ANKRD17: variants seen among roughly 807,000 people sequenced by gnomAD.
The protein encoded by ANKRD17 is ankyrin repeat domain 17, also known as ankyrin repeat domain-containing protein 17.
ANKRD17 carries 19 observed loss-of-function variants against 229.7 expected under a neutral mutation model. The ratio of observed to expected loss-of-function variants is 0.08; its 90% CI spans 0.06 to 0.12. The LOEUF (loss-of-function observed/expected upper bound fraction) is 0.12, where lower values mean the gene tolerates loss of function less well. ANKRD17 is among the 10% of genes least tolerant of loss of function. The pLI, the probability that ANKRD17 is intolerant of heterozygous loss-of-function variation, is 1.00. For missense variants in ANKRD17, 2,176 were observed against 3,176.8 expected, an observed-to-expected ratio of 0.68 and a Z score of 7.57; for synonymous variants, 1,112 against 1,146.1, an observed-to-expected ratio of 0.97 and a Z score of 0.60.
intron 3 of ANKRD17, among the ~76,000 whole-genome samples, chr4:73,158,864 G>A (rs1732125615): frequency 6.6e-6 from 1 of 152,238 alleles, no homozygotes; most frequent in African/African-American, 2.4e-5. Context: ...GCTCTGCACA[G>A]AGTCCCTGCC....
At chr4:73,177,053 G>A (rs747581165) in intron 2 of ANKRD17, among the ~76,000 whole-genome samples, 5 of 152,158 alleles carry the variant, frequency 3.3e-5, no homozygotes, top group Admixed American at 6.5e-5. Flanking sequence ...ACATGCCTAT[G>A]AAAGACCGCT....
chr4:73,142,693 C>T lies in ANKRD17; in HGVS notation c.2032G>A (p.Ala678Thr), dbSNP rs760548509. The part of the protein sequence containing the change: ...LSLACAGGHL[A>T]VVELLLAHGA... Reference sequence around the variant, plus strand: ...TGAGCCAAAAGTAGTTCCACCACTGCCAGATGACCCCCTGCACAAGCCAGG... The same window carrying T: ...TGAGCCAAAAGTAGTTCCACCACTGTCAGATGACCCCCTGCACAAGCCAGG... The change falls in exon 12 of 34, where the codon GCA becomes ACA. Residue 678 changes from alanine (A) to threonine (T), a missense_variant. Coordinates refer to ENST00000358602, the MANE Select transcript of ANKRD17 (RefSeq NM_032217.5). 9 of 1,614,024 alleles carry T rather than the reference C, an allele frequency of 5.6e-6. No homozygotes were observed. The highest frequency in any genetic ancestry group is 1.6e-4 in the Middle Eastern group (1 of 6,062).
intron 22 of ANKRD17, among the ~76,000 whole-genome samples, chr4:73,118,132 T>C (rs1726215507): frequency 6.6e-6 from 1 of 152,090 alleles, no homozygotes; most frequent in Admixed American, 6.6e-5. Context: ...TCCTCCTATC[T>C]CAGCCTCCTG....
intron 1 of ANKRD17, among the ~76,000 whole-genome samples, chr4:73,188,524 G>A (rs1319163475): frequency 2.6e-5 from 4 of 152,144 alleles, no homozygotes; most frequent in Non-Finnish European, 5.9e-5. Context: ...GGCAGAGGCT[G>A]CAGTGAGCCG....
rs903605984 is a variant in ANKRD17 at position 73,218,307 on chromosome 4, T to A, written c.393+39969A>T. ...AATCAATGAAGTAAAATACTAGTAT[T>A]AAAATATGTATCTATGCATCCTAAA... On this transcript the variant is annotated intron_variant, in intron 1 of 33. Coordinates refer to ENST00000358602, the MANE Select transcript of ANKRD17 (RefSeq NM_032217.5). 2.2e-4 allele frequency among the ~76,000 whole-genome samples: 34 copies of A among 152,254 alleles called. No individual in the cohort carries two copies. In the Middle Eastern group the frequency reaches 0.01, roughly 46 times the overall value.
At chr4:73,121,202 T>A in intron 19 of ANKRD17, 108 bp from the exon 20 acceptor site, 1 of 1,012,346 alleles carries the variant, frequency 9.9e-7, no homozygotes. Flanking sequence ...GAAGGATTGT[T>A]TAAAATATCC....
intron 25 of ANKRD17, chr4:73,099,268 C>T (rs1289766477): frequency 2.3e-5 from 13 of 555,466 alleles, no homozygotes; most frequent in South Asian, 2.3e-4. Flanking sequence ...CTCCGGCTGC[C>T]ACCCCCATCC....
At chr4:73,192,234 T>C (rs1438788584) in intron 1 of ANKRD17, among the ~76,000 whole-genome samples, 1 of 152,072 alleles carries the variant, frequency 6.6e-6, no homozygotes, top group Non-Finnish European at 1.5e-5. Context: ...ATCCCCTGTA[T>C]CTAGAATAGT....
chr4:73,142,929 C>T (rs1057256341), intron 11 of ANKRD17, among the ~76,000 whole-genome samples, 162 bp from the exon 12 acceptor site: 1 of 152,176 alleles, frequency 6.6e-6, no homozygotes, highest in Non-Finnish European at 1.5e-5. Flanking sequence ...TCTCATTTCA[C>T]AAATATCCTA....
chr4:73,226,792 G>A (rs904325588), intron 1 of ANKRD17, among the ~76,000 whole-genome samples: 13 of 151,962 alleles, frequency 8.6e-5, no homozygotes, highest in African/African-American at 2.7e-4. Context: ...CGGCTAACTT[G>A]CAACCTCCAC....
chr4:73,139,049 T>G (rs936276232), intron 15 of ANKRD17, among the ~76,000 whole-genome samples: 92 of 64,582 alleles, frequency 1.4e-3, no homozygotes, highest in African/African-American at 3.3e-3. Context: ...GTAAAAGTGT[T>G]TTTTTTTTTA....
At chr4:73,234,777 T>C (rs1743354708) in intron 1 of ANKRD17, among the ~76,000 whole-genome samples, 2 of 152,192 alleles carry the variant, frequency 1.3e-5, no homozygotes, top group Non-Finnish European at 2.9e-5. Context: ...AGAATGATTC[T>C]GAAACTTCAG....
In ANKRD17 at chr4:73,092,155, T is replaced by C; in HGVS notation, c.5473A>G (p.Thr1825Ala). The C allele has an allele frequency of 6.2e-7, 1 of 1,614,152 alleles. No individual in the cohort carries two copies. The highest frequency in any genetic ancestry group is 1.3e-5 in the African/African-American group (1 of 75,032). ...ATTAAGGAAGTGTTAGCAGCAGTGG[T>C]GGTAGGTGCTGATGACCCTATTTTG... ...NSKIGSSAPT[T>A]TAANTSLMGI... Residue 1825 changes from threonine to alanine, a missense_variant, in exon 29 of 34, where the codon ACC becomes GCC. This residue lies in a region of ANKRD17 where 142 missense variants were observed against 200.4 expected (regional missense o/e 0.71). Transcript: ENST00000358602.
chr4:73,144,086 C>A (rs983724235), intron 11 of ANKRD17, among the ~76,000 whole-genome samples: 1 of 152,136 alleles, frequency 6.6e-6, no homozygotes, highest in Admixed American at 6.6e-5. Flanking sequence ...AATCTGTAAT[C>A]TCTTATACTT....
At chr4:73,175,684 T>G (rs1734643860) in intron 2 of ANKRD17, among the ~76,000 whole-genome samples, 2 of 152,156 alleles carry the variant, frequency 1.3e-5, no homozygotes, top group South Asian at 4.1e-4. Flanking sequence ...TTGACAAAGT[T>G]GCCAAGAACA....
intron 29 of ANKRD17, among the ~76,000 whole-genome samples, chr4:73,087,785 G>A (rs1044125398): frequency 3.7e-4 from 57 of 152,066 alleles, no homozygotes; most frequent in African/African-American, 1.3e-3. Flanking sequence ...GTATTTAGGG[G>A]TAAAGTATCA....
At chr4:73,127,628 T>G (rs910721937) in intron 16 of ANKRD17, among the ~76,000 whole-genome samples, 2 of 152,168 alleles carry the variant, frequency 1.3e-5, no homozygotes, top group Non-Finnish European at 2.9e-5. Flanking sequence ...GTTTGTATTT[T>G]CTACCTGTAG....
At chr4:73,130,810 G>T (rs1044998659) in intron 16 of ANKRD17, among the ~76,000 whole-genome samples, 1 of 151,884 alleles carries the variant, frequency 6.6e-6, no homozygotes, top group Non-Finnish European at 1.5e-5. Context: ...TCCTAGAATC[G>T]ATCATATTTT....
intron 1 of ANKRD17, among the ~76,000 whole-genome samples, chr4:73,206,509 T>C (rs1416922824): frequency 1.3e-5 from 2 of 152,014 alleles, no homozygotes; most frequent in Non-Finnish European, 2.9e-5. Flanking sequence ...AGAAATCTTG[T>C]CTCTTGCAAC....
Sources: gnomAD v4.1 joint callset for allele counts (sites outside exome capture counted in the v4.1 genomes callset) on GRCh38, gnomAD v4.1.1 for gene constraint, gnomAD v4.1.1 regional missense constraint, MANE v1.5 for transcripts, NCBI Gene and HGNC (gene_info 2026-07-23, HGNC 2026-07-21) for gene names.